WDR49: variants seen among roughly 807,000 people sequenced by gnomAD.
The protein encoded by WDR49 is WD repeat domain 49.
A neutral mutation model predicts 119.5 loss-of-function variants in WDR49; 107 were observed. The observed-to-expected ratio is 0.90, with a 90% CI of 0.77 to 1.05. The LOEUF (loss-of-function observed/expected upper bound fraction) is 1.05. Ranked by LOEUF, WDR49 falls within the 50% of genes least tolerant of loss-of-function variation. The probability of loss-of-function intolerance (pLI) is 0.00; values close to 1 mark genes in which losing one functional copy is unlikely to be tolerated. For missense variants in WDR49, 1,240 were observed against 1,220.5 expected, an observed-to-expected ratio of 1.02 and a Z score of -0.24; for synonymous variants, 425 against 418.8, an observed-to-expected ratio of 1.01 and a Z score of -0.18.
intron 12 of WDR49, 47 bp from the exon 13 acceptor site, chr3:167,531,326 C>A: frequency 3.1e-6 from 5 of 1,596,176 alleles, no homozygotes; most frequent in Non-Finnish European, 4.3e-6. Context: ...AAAATATCTG[C>A]TTTTCAAACT....
intron 7 of WDR49, among the ~76,000 whole-genome samples, chr3:167,582,189 C>A (rs1577254353): frequency 6.6e-6 from 1 of 152,108 alleles, no homozygotes; most frequent in African/African-American, 2.4e-5. Context: ...ATTGCTTTTC[C>A]TGAACACACT....
chr3:167,572,828 T>C (rs988071378), intron 8 of WDR49, among the ~76,000 whole-genome samples: 1 of 152,162 alleles, frequency 6.6e-6, no homozygotes, highest in African/African-American at 2.4e-5. Flanking sequence ...GGACCAAAGC[T>C]GAGTCTTGCC....
At chr3:167,505,255 C>A in intron 17 of WDR49, 52 bp downstream of exon 17, 5 of 1,371,362 alleles carry the variant, frequency 3.6e-6, no homozygotes, top group South Asian at 1.9e-5. Flanking sequence ...TGTATTCACA[C>A]TAATCTGTTA....
intron 2 of WDR49, among the ~76,000 whole-genome samples, chr3:167,636,391 G>A (rs1461065467): frequency 6.6e-6 from 1 of 151,338 alleles, no homozygotes; most frequent in Non-Finnish European, 1.5e-5. Context: ...TTATCCACTT[G>A]TTGATTGATG....
chr3:167,653,404 G>C lies in WDR49; in HGVS notation c.22C>G (p.Leu8Val). The change falls in exon 2 of 19, where the codon CTT becomes GTT. Residue 8 changes from leucine to valine, a missense_variant. Coordinates refer to ENST00000682715, the MANE Select transcript of WDR49 (RefSeq NM_001366157.1). The stretch of plus-strand genomic sequence containing the variant: ...AGCTGTGACCCTATGTTTAACTCAA[G>C]TACAGCTTTCTGGCAACTCATAATG... MSCQKAVLELNIGSQLGP... is the reference protein window; with the variant it reads MSCQKAVVELNIGSQLGP... 1.3e-6 allele frequency: 2 copies of C among 1,526,330 alleles called. No homozygotes were observed. The highest frequency in any genetic ancestry group is 1.7e-6 in the Non-Finnish European group (2 of 1,142,952). The allele number at this position is 1,526,330 out of a possible 1,614,324, so 94.5% of individuals were successfully genotyped here.
intron 16 of WDR49, among the ~76,000 whole-genome samples, chr3:167,516,649 G>A (rs929985754): frequency 5.3e-5 from 8 of 152,154 alleles, no homozygotes; most frequent in African/African-American, 1.7e-4. Flanking sequence ...GGTATTTCTA[G>A]TTCTAGATCC....
intron 2 of WDR49, among the ~76,000 whole-genome samples, chr3:167,636,037 A>C (rs1717602929): frequency 6.6e-6 from 1 of 151,462 alleles, no homozygotes; most frequent in Non-Finnish European, 1.5e-5. Flanking sequence ...TTTAGTGGTG[A>C]TTTGTGAGAT....
chr3:167,623,110 A>G lies in WDR49; in HGVS notation c.607-1467T>C, dbSNP rs527904325. Among the ~76,000 whole-genome samples, 29 of 152,220 alleles carry G rather than the reference A, an allele frequency of 1.9e-4. No individual in the cohort carries two copies. The South Asian group carries it at 6.0e-3, about 32-fold the overall frequency. On this transcript the variant is annotated intron_variant, in intron 3 of 18. Coordinates refer to ENST00000682715, the MANE Select transcript of WDR49 (RefSeq NM_001366157.1). ...ACTGATAAATTCCACCAAACGTTTCAAGGAAAATCATACCAATACTTCTCA... is the reference window on the plus strand; with the variant it reads ...ACTGATAAATTCCACCAAACGTTTCGAGGAAAATCATACCAATACTTCTCA...
At chr3:167,533,135 T>A (rs149676031) in intron 11 of WDR49, among the ~76,000 whole-genome samples, 158 bp from the exon 12 acceptor site, 3 of 152,272 alleles carry the variant, frequency 2.0e-5, no homozygotes, top group East Asian at 3.9e-4. Flanking sequence ...TAATAATTGG[T>A]ATTTGTTTTA....
Position 167,582,969 on chromosome 3 carries a change from TAC to T in WDR49, c.1276-6820_1276-6819del, listed in dbSNP as rs142100499. Among the ~76,000 whole-genome samples, 1,128 of 137,094 alleles carry T rather than the reference TAC, an allele frequency of 8.2e-3. 49 individuals are homozygous for T. The East Asian group carries it at 0.14, about 17-fold the overall frequency. The allele number at this position is 137,094 out of a possible 152,430, so 89.9% of individuals were successfully genotyped here. ...AAACAAACACACACACACACACACA[TAC>T]ACACACACACACACACACAGATAGA... On this transcript the variant is annotated intron_variant, in intron 7 of 18. Transcript: ENST00000682715.
intron 2 of WDR49, among the ~76,000 whole-genome samples, chr3:167,652,913 T>C (rs530008630): frequency 3.9e-5 from 6 of 152,292 alleles, no homozygotes; most frequent in African/African-American, 1.4e-4. Context: ...TTCCTGGAGG[T>C]CACCTTAGAG....
At chr3:167,550,602 T>G (rs1293486075) in intron 10 of WDR49, among the ~76,000 whole-genome samples, 8 of 151,958 alleles carry the variant, frequency 5.3e-5, no homozygotes, top group Admixed American at 4.6e-4. Context: ...TTAGTTTGAT[T>G]TAATCATTTC....
intron 10 of WDR49, among the ~76,000 whole-genome samples, chr3:167,549,615 T>C (rs182142742): frequency 6.6e-6 from 1 of 152,310 alleles, no homozygotes; most frequent in East Asian, 1.9e-4. Flanking sequence ...ATGGGTAGAT[T>C]GTAAAAATTT....
chr3:167,579,361 T>C (rs1197212423), intron 7 of WDR49, among the ~76,000 whole-genome samples: 1 of 152,172 alleles, frequency 6.6e-6, no homozygotes, highest in Non-Finnish European at 1.5e-5. Flanking sequence ...CACAAAAAAG[T>C]CTGCCTCACT....
At chr3:167,597,684 T>C (rs1715552733) in intron 7 of WDR49, among the ~76,000 whole-genome samples, 1 of 152,184 alleles carries the variant, frequency 6.6e-6, no homozygotes, top group Non-Finnish European at 1.5e-5. Context: ...CCCCTTGCTT[T>C]AGCATGCCCT....
At position 167,627,267 on chromosome 3, in the gene WDR49, C is replaced by A. The variant is rs907333955; in HGVS notation, c.191G>T (p.Cys64Phe). ...FESPQPRKII[C>F]MSREDFTQKM... is the part of the protein sequence containing the mutation. ...CTGCGTGAAGTCTTCTCTGGACATA[C>A]AAATGATTTTCCTTGGCTGTGGGGA... The change falls in exon 3 of 19, where the codon TGT (cysteine) becomes TTT (phenylalanine). Residue 64 changes from cysteine (C) to phenylalanine (F), a missense_variant. By Grantham distance (205) the Cys-to-Phe change is radical. Transcript: ENST00000682715. The A allele has an allele frequency of 8.1e-7, 1 of 1,236,934 alleles. No homozygotes were observed. Among genetic ancestry groups the A allele is most frequent in the Non-Finnish European group, 1.0e-6 (1 of 989,770 alleles). The allele number at this position is 1,236,934 out of a possible 1,614,324, so 76.6% of individuals were successfully genotyped here. A position where few individuals can be genotyped will look rare whatever the true frequency, so the allele number is the denominator to read the frequency against.
chr3:167,591,705 G>T (rs1260070583), intron 7 of WDR49, among the ~76,000 whole-genome samples: 3 of 152,012 alleles, frequency 2.0e-5, no homozygotes, highest in Non-Finnish European at 4.4e-5. Context: ...TGTCTGATAT[G>T]AATATAGGGA....
chr3:167,588,552 T>C (rs1714936592), intron 7 of WDR49, among the ~76,000 whole-genome samples: 1 of 152,176 alleles, frequency 6.6e-6, no homozygotes, highest in Admixed American at 6.5e-5. Context: ...CTACCAACAA[T>C]GCATGAGAAT....
chr3:167,593,897 G>A lies in WDR49; in HGVS notation c.1275+8230C>T, dbSNP rs138214909. Among the ~76,000 whole-genome samples the A allele has an allele frequency of 3.3e-5, 5 of 152,202 alleles. No homozygotes were observed. In the East Asian group the frequency reaches 9.7e-4, roughly 30 times the overall value. ...TGAGGGAATTGTCACAAGATCTGAT[G>A]GTTTAAAAGTGTGCGGTGGTTCCCC... On this transcript the variant is annotated intron_variant, in intron 7 of 18. Transcript: ENST00000682715.
Sources: allele counts gnomAD v4.1 joint callset (sites outside exome capture counted in the v4.1 genomes callset), GRCh38; gene constraint gnomAD v4.1.1; transcripts MANE v1.5; gene names NCBI Gene and HGNC (gene_info 2026-07-23, HGNC 2026-07-21).